The following JARID2 variants were observed in gnomAD, a reference collection of about 807,000 sequenced individuals.
JARID2 encodes the protein jumonji and AT-rich interaction domain containing 2.
A neutral mutation model predicts 125.6 loss-of-function variants in JARID2; 21 were observed. That is an observed-to-expected ratio of 0.17 (90% confidence interval 0.12 to 0.24). The LOEUF (loss-of-function observed/expected upper bound fraction) is 0.24. Among genes scored for constraint, JARID2 ranks in the 10% least tolerant of loss-of-function variants. The probability of loss-of-function intolerance (pLI) is 1.00; values close to 1 mark genes in which losing one functional copy is unlikely to be tolerated. For synonymous variants in JARID2, 736 were observed against 661.6 expected (o/e 1.11, Z -1.73); for missense variants, 1,303 against 1,639.6 (o/e 0.79, Z 3.55).
intron 1 of JARID2, among the ~76,000 whole-genome samples, chr6:15,264,492 C>A (rs989328435): frequency 6.6e-6 from 1 of 152,108 alleles, no homozygotes; most frequent in Non-Finnish European, 1.5e-5. Flanking sequence ...GTGCTCAGGT[C>A]ATTAGTTTGG....
intron 16 of JARID2, among the ~76,000 whole-genome samples, chr6:15,516,340 T>TG (rs1771558658): frequency 6.6e-6 from 1 of 152,234 alleles, no homozygotes; most frequent in Non-Finnish European, 1.5e-5. Context: ...GAATAGGACT[T>TG]GGAGTCAGCG....
chr6:15,513,215 C>CG (rs750805665), intron 15 of JARID2, 24 bp from the exon 16 acceptor site: 23 of 1,551,066 alleles, frequency 1.5e-5, no homozygotes, highest in Non-Finnish European at 1.4e-5. Flanking sequence ...ACTAAAGGTG[C>CG]GGGCCGTCTC....
intron 1 of JARID2, among the ~76,000 whole-genome samples, chr6:15,260,061 T>G (rs1759813356): frequency 6.6e-6 from 1 of 152,240 alleles, no homozygotes; most frequent in African/African-American, 2.4e-5. Flanking sequence ...GTATTGACAC[T>G]CTGACAGATC....
chr6:15,441,822 G>A (rs1373101007), intron 3 of JARID2, among the ~76,000 whole-genome samples: 1 of 151,642 alleles, frequency 6.6e-6, no homozygotes, highest in African/African-American at 2.4e-5. Flanking sequence ...ATGGAGTTTT[G>A]CTCTTGTTGC....
At chr6:15,474,749 C>T (rs1227042083) in intron 5 of JARID2, among the ~76,000 whole-genome samples, 1 of 149,412 alleles carries the variant, frequency 6.7e-6, no homozygotes, top group African/African-American at 2.4e-5. Context: ...GTGAAGGTTC[C>T]CAACTAAAAT....
At chr6:15,302,682 T>G (rs1761675780) in intron 1 of JARID2, among the ~76,000 whole-genome samples, 1 of 152,208 alleles carries the variant, frequency 6.6e-6, no homozygotes, top group Non-Finnish European at 1.5e-5. Flanking sequence ...GGATAACATA[T>G]AACCTCATTT....
At chr6:15,285,105 G>GT (rs1561769837) in intron 1 of JARID2, among the ~76,000 whole-genome samples, 14 of 127,392 alleles carry the variant, frequency 1.1e-4, no homozygotes, top group African/African-American at 4.0e-4. Flanking sequence ...AGTCTTTCTG[G>GT]GTTTTTTTTT....
chr6:15,307,330 C>T (rs1361689877), intron 1 of JARID2, among the ~76,000 whole-genome samples: 1 of 152,048 alleles, frequency 6.6e-6, no homozygotes, highest in South Asian at 2.1e-4. Flanking sequence ...TCAGGTGATT[C>T]TCCTGCCTCA....
At chr6:15,248,924 G>C (rs1051327892) in intron 1 of JARID2, 1 of 985,618 alleles carries the variant, frequency 1.0e-6, no homozygotes. Flanking sequence ...AGATGCGCTC[G>C]GCCTCTGCCT....
In JARID2 at chr6:15,417,570, T is replaced by A. The variant is rs146114325; in HGVS notation, c.323+7205T>A. ...GCGTGGGCAATATGGCGAAACTCCA[T>A]TTCTACCAAAAAATACAAAAAAAAT... On this transcript the variant is annotated intron_variant, in intron 3 of 17. Coordinates refer to ENST00000341776, the MANE Select transcript of JARID2 (RefSeq NM_004973.4). 2.4e-4 allele frequency among the ~76,000 whole-genome samples: 36 copies of A among 152,264 alleles called. 1 individual carries two copies. In the East Asian group the frequency reaches 6.9e-3, roughly 29 times the overall value.
chr6:15,257,702 A>G (rs1170684263), intron 1 of JARID2, among the ~76,000 whole-genome samples: 2 of 152,206 alleles, frequency 1.3e-5, no homozygotes, highest in Non-Finnish European at 2.9e-5. Flanking sequence ...GAGAGAGGCT[A>G]TACTAATTTA....
At chr6:15,247,782 T>C in intron 1 of JARID2, 1 of 985,362 alleles carries the variant, frequency 1.0e-6, no homozygotes, top group Non-Finnish European at 1.2e-6. Flanking sequence ...ATGAAAGAAA[T>C]GCAAGGTTAA....
rs186578979 is a variant in JARID2, at chr6:15,447,463, G to A, written c.324-4543G>A. ...GGACACACACCTTCTCTGGGGCTGTGTTACCCAGGGCAGGAAGGCCCATCC... is the reference window on the plus strand; with the variant it reads ...GGACACACACCTTCTCTGGGGCTGTATTACCCAGGGCAGGAAGGCCCATCC... On this transcript the variant is annotated intron_variant, in intron 3 of 17. Transcript: ENST00000341776. 3.5e-3 allele frequency among the ~76,000 whole-genome samples: 540 copies of A among 152,318 alleles called. 4 individuals carry two copies. Among genetic ancestry groups the A allele is most frequent in the African/African-American group, 0.013 (520 of 41,556 alleles).
At chr6:15,259,806 A>G (rs890728716) in intron 1 of JARID2, among the ~76,000 whole-genome samples, 1 of 152,172 alleles carries the variant, frequency 6.6e-6, no homozygotes, top group Non-Finnish European at 1.5e-5. Flanking sequence ...TATGCCCCTC[A>G]TTCTAAAAAA....
At chr6:15,500,022 C>T (rs895661473) in intron 7 of JARID2, among the ~76,000 whole-genome samples, 7 of 152,168 alleles carry the variant, frequency 4.6e-5, no homozygotes, top group African/African-American at 1.2e-4. Flanking sequence ...AGATTTAAAA[C>T]GTTGTTAATT....
chr6:15,514,931 C>T (rs998541660), intron 16 of JARID2, among the ~76,000 whole-genome samples: 2 of 152,156 alleles, frequency 1.3e-5, no homozygotes, highest in African/African-American at 4.8e-5. Flanking sequence ...AAATGTATTA[C>T]CTAGAGCCAT....
At chr6:15,271,703 A>C (rs1008792200) in intron 1 of JARID2, among the ~76,000 whole-genome samples, 1 of 152,144 alleles carries the variant, frequency 6.6e-6, no homozygotes. Context: ...AAAGATGTTT[A>C]AAAACAGTGA....
At chr6:15,392,374 A>C (rs1359526454) in intron 2 of JARID2, among the ~76,000 whole-genome samples, 2 of 152,060 alleles carry the variant, frequency 1.3e-5, no homozygotes, top group Non-Finnish European at 2.9e-5. Flanking sequence ...TCTGCTGCTA[A>C]ATTTAAGGTG....
At chr6:15,338,967 T>G (rs1377315720) in intron 1 of JARID2, among the ~76,000 whole-genome samples, 1 of 152,198 alleles carries the variant, frequency 6.6e-6, no homozygotes, top group East Asian at 1.9e-4. Flanking sequence ...AATTAAGACC[T>G]TGACGAACAC....
Sources: gnomAD v4.1 joint callset for allele counts (sites outside exome capture counted in the v4.1 genomes callset) on GRCh38, gnomAD v4.1.1 for gene constraint, MANE v1.5 for transcripts, NCBI Gene and HGNC (gene_info 2026-07-23, HGNC 2026-07-21) for gene names.